RPH3A: variants seen among roughly 807,000 people sequenced by gnomAD.
RPH3A encodes the protein rabphilin-3A.
In RPH3A, 48 loss-of-function variants were observed where a neutral mutation model predicts 102.2. That is an observed-to-expected ratio of 0.47 (90% CI 0.37 to 0.60). The LOEUF (loss-of-function observed/expected upper bound fraction) is 0.60, where lower values mean the gene tolerates loss of function less well. RPH3A is among the 20% of genes least tolerant of loss of function. RPH3A has a pLI of 0.00. For missense variants in RPH3A, 781 were observed against 910.1 expected (o/e 0.86, Z 1.83); for synonymous variants, 310 against 324.3 (o/e 0.96, Z 0.47).
intron 5 of RPH3A, among the ~76,000 whole-genome samples, chr12:112,853,981 G>A (rs939392570): frequency 6.6e-5 from 10 of 152,068 alleles, no homozygotes; most frequent in African/African-American, 1.4e-4. Flanking sequence ...TTACCCTTAC[G>A]GCGTCCCTCA....
chr12:112,879,534 C>G (rs554938396), intron 14 of RPH3A, among the ~76,000 whole-genome samples: 1 of 152,296 alleles, frequency 6.6e-6, no homozygotes, highest in South Asian at 2.1e-4. Context: ...GACAGCCTGG[C>G]TCGACAGCTG....
chr12:112,841,587 C>A (rs1314558448), intron 4 of RPH3A, among the ~76,000 whole-genome samples: 1 of 152,078 alleles, frequency 6.6e-6, no homozygotes, highest in African/African-American at 2.4e-5. Flanking sequence ...TTATTAACTC[C>A]ATTTGACAGA....
intron 3 of RPH3A, among the ~76,000 whole-genome samples, chr12:112,835,666 A>G (rs1034553531): frequency 6.6e-6 from 1 of 152,220 alleles, no homozygotes; most frequent in Non-Finnish European, 1.5e-5. Flanking sequence ...TAATGCAGAC[A>G]CTTATAATGT....
intron 1 of RPH3A, among the ~76,000 whole-genome samples, chr12:112,603,227 G>A (rs2039571161): frequency 6.6e-6 from 1 of 152,160 alleles, no homozygotes; most frequent in Non-Finnish European, 1.5e-5. Flanking sequence ...TCCTGCTTCA[G>A]CTGTTTTCTC....
At chr12:112,858,266 C>CAAAAAAAAAAAAAAAAAAAAAAAAAAAAA (rs1164602599) in intron 5 of RPH3A, among the ~76,000 whole-genome samples, 1 of 44,774 alleles carries the variant, frequency 2.2e-5, no homozygotes, top group Non-Finnish European at 3.7e-5. Context: ...GACCCTGTCT[C>CAAAAAAAAAAAAAAAAAAAAAAAAAAAAA]AAAAAAAAAA....
At chr12:112,845,284 C>A (rs985119909) in intron 4 of RPH3A, among the ~76,000 whole-genome samples, 1 of 152,132 alleles carries the variant, frequency 6.6e-6, no homozygotes, top group Non-Finnish European at 1.5e-5. Flanking sequence ...AGAGACCATT[C>A]CCTTTGCCAG....
At chr12:112,730,119 G>A (rs2040622445) in intron 1 of RPH3A, among the ~76,000 whole-genome samples, 2 of 152,200 alleles carry the variant, frequency 1.3e-5, no homozygotes, top group South Asian at 4.1e-4. Context: ...CCACCAGATG[G>A]AACAGATCCT....
At position 112,881,865 on chromosome 12, in the gene RPH3A, T is replaced by C; in HGVS notation, c.1326+19T>C. 1 of 1,601,712 alleles carries C rather than the reference T, an allele frequency of 6.2e-7. No individual in the cohort carries two copies. The highest frequency in any genetic ancestry group is 8.5e-7 in the Non-Finnish European group (1 of 1,171,712). ...CAGCAAGGTACCATATGGCCTGGGC[T>C]TCTCTGCAAACCGGGTGCATGGGCC... On this transcript the variant is annotated intron_variant, in intron 15 of 21. Coordinates refer to ENST00000389385, the MANE Select transcript of RPH3A (RefSeq NM_001143854.2).
At chr12:112,647,678 G>T (rs2039941646) in intron 1 of RPH3A, among the ~76,000 whole-genome samples, 1 of 152,016 alleles carries the variant, frequency 6.6e-6, no homozygotes, top group African/African-American at 2.4e-5. Flanking sequence ...TTACCTTTGA[G>T]CAAAGATGTG....
At chr12:112,585,099 C>G (rs953720650) in intron 1 of RPH3A, among the ~76,000 whole-genome samples, 3 of 152,126 alleles carry the variant, frequency 2.0e-5, no homozygotes, top group Non-Finnish European at 4.4e-5. Context: ...TGTTCGAAGG[C>G]AGGAAGCATC....
chr12:112,632,638 C>T (rs1276776261), intron 1 of RPH3A, among the ~76,000 whole-genome samples: 2 of 152,156 alleles, frequency 1.3e-5, no homozygotes, highest in Non-Finnish European at 2.9e-5. Flanking sequence ...CACTGGGTTA[C>T]AGAGAAGATA....
At chr12:112,706,060 A>G (rs183969067) in intron 1 of RPH3A, among the ~76,000 whole-genome samples, 4 of 152,368 alleles carry the variant, frequency 2.6e-5, no homozygotes, top group Non-Finnish European at 5.9e-5. Flanking sequence ...GCATAGTGCT[A>G]TGAAAGACAA....
rs113226364 is a variant in RPH3A at position 112,829,326 on chromosome 12, C to T, written c.71+937C>T. Among the ~76,000 whole-genome samples, 1,472 of 151,230 alleles carry T rather than the reference C, an allele frequency of 9.7e-3. 24 individuals are homozygous for T. The highest frequency in any genetic ancestry group is 0.031 in the African/African-American group (1,275 of 41,100). On this transcript the variant is annotated intron_variant, in intron 3 of 21. Coordinates refer to ENST00000389385, the MANE Select transcript of RPH3A (RefSeq NM_001143854.2). Reference sequence around the variant, plus strand: ...TCTTGCTCCTTTGCCCAGGCTGAAGCGTACTGGTGCAATCATAACTCATTG... The same window carrying T: ...TCTTGCTCCTTTGCCCAGGCTGAAGTGTACTGGTGCAATCATAACTCATTG...
intron 1 of RPH3A, among the ~76,000 whole-genome samples, chr12:112,653,834 C>A (rs2039993086): frequency 6.6e-6 from 1 of 152,104 alleles, no homozygotes; most frequent in Non-Finnish European, 1.5e-5. Flanking sequence ...AAAATATTTT[C>A]TTTCCTTATA....
chr12:112,575,333 G>C (rs1037728824), intron 1 of RPH3A: 1 of 152,038 alleles, frequency 6.6e-6, no homozygotes, highest in African/African-American at 2.4e-5. Context: ...AGGCGGGCGG[G>C]GGCTGCGGGC....
chr12:112,856,187 A>G (rs1374202784), intron 5 of RPH3A, among the ~76,000 whole-genome samples: 1 of 152,122 alleles, frequency 6.6e-6, no homozygotes, highest in Non-Finnish European at 1.5e-5. Context: ...TGCACACCAC[A>G]TGAAGCCTAC....
Position 112,869,996 on chromosome 12 carries a change from G to A in RPH3A, c.753G>A (p.Trp251Ter). 1 of 1,614,118 alleles carries A rather than the reference G, an allele frequency of 6.2e-7. No individual in the cohort carries two copies. The highest frequency in any genetic ancestry group is 8.5e-7 in the Non-Finnish European group (1 of 1,180,022). The change falls in exon 10 of 22, where the codon TGG becomes TGA. Residue 251 changes from tryptophan to a stop codon, truncating the protein, a stop_gained. Transcript: ENST00000389385. LOFTEE classifies it high-confidence loss of function. Reference sequence around the variant, plus strand: ...CATCTAGCCGAGATTCAGAGAGCTGGGACCACAGTGGGGGTGCTGGAGACT... The same window carrying A: ...CATCTAGCCGAGATTCAGAGAGCTGAGACCACAGTGGGGGTGCTGGAGACT... ...MSSSSRDSESWDHSGGAGDSS... is the reference protein window; with the variant it reads ...MSSSSRDSES
At chr12:112,740,749 A>G (rs2040703279) in intron 1 of RPH3A, among the ~76,000 whole-genome samples, 1 of 152,248 alleles carries the variant, frequency 6.6e-6, no homozygotes, top group South Asian at 2.1e-4. Context: ...ACAGTTCAGC[A>G]GCAATTCAGG....
intron 1 of RPH3A, among the ~76,000 whole-genome samples, chr12:112,591,907 C>T (rs73431627): frequency 4.0e-4 from 61 of 152,218 alleles, no homozygotes; most frequent in African/African-American, 1.4e-3. Context: ...CCTCAGTATC[C>T]CCGGGGTTGG....
Sources: gnomAD v4.1 joint callset for allele counts (sites outside exome capture counted in the v4.1 genomes callset) on GRCh38, gnomAD v4.1.1 for gene constraint, MANE v1.5 for transcripts, NCBI Gene and HGNC (gene_info 2026-07-23, HGNC 2026-07-21) for gene names.